Variants in RNF180 observed in about 807,000 individuals in gnomAD.
RNF180 encodes ring finger protein 180, also known as E3 ubiquitin-protein ligase RNF180.
RNF180 carries 38 observed loss-of-function variants against 59.2 expected under a neutral mutation model. The ratio of observed to expected loss-of-function variants is 0.64; its 90% confidence interval spans 0.50 to 0.84. The LOEUF is 0.84. Ranked by LOEUF, RNF180 falls within the 40% of genes least tolerant of loss-of-function variation. The probability of loss-of-function intolerance (pLI) is 0.00; values close to 1 mark genes in which losing one functional copy is unlikely to be tolerated. For missense variants in RNF180, 705 were observed against 700.9 expected (o/e 1.01, Z -0.07); for synonymous variants, 262 against 240.3 (o/e 1.09, Z -0.84).
At chr5:64,276,031 A>G (rs1204654338) in intron 5 of RNF180, among the ~76,000 whole-genome samples, 1 of 151,884 alleles carries the variant, frequency 6.6e-6, no homozygotes, top group Non-Finnish European at 1.5e-5. Context: ...GTTGCAGAGT[A>G]CCTTCCCAGA....
At chr5:64,366,631 A>G (rs1303653921) in intron 7 of RNF180, among the ~76,000 whole-genome samples, 2 of 151,582 alleles carry the variant, frequency 1.3e-5, no homozygotes, top group Non-Finnish European at 3.0e-5. Flanking sequence ...AGCAGAAGAA[A>G]AAATGTCAGA....
chr5:64,315,008 G>T (rs1050210384), intron 5 of RNF180, among the ~76,000 whole-genome samples: 2 of 152,130 alleles, frequency 1.3e-5, no homozygotes, highest in East Asian at 3.9e-4. Flanking sequence ...ATTAAAATCC[G>T]TGGGTCTGTC....
chr5:64,341,064 TTGG>T (rs761723401), intron 7 of RNF180, among the ~76,000 whole-genome samples: 10 of 152,176 alleles, frequency 6.6e-5, no homozygotes, highest in South Asian at 2.1e-4. Context: ...AAATTGGATG[TTGG>T]TGGGATATGA....
At position 64,186,376 on chromosome 5, in the gene RNF180, G is replaced by A. The variant is rs536157133; in HGVS notation, c.1-14432G>A. On this transcript the variant is annotated intron_variant, in intron 1 of 7. Transcript: ENST00000389100. ...ACATAAGGTAAATATGTTTTAGCCC[G>A]TATTTCCCCTTCTAAGAAGTCAGCC... is the stretch of plus-strand genomic sequence containing the variant. Among the ~76,000 whole-genome samples, 16 of 152,098 alleles carry A rather than the reference G, an allele frequency of 1.1e-4. No individual in the cohort carries two copies. In the South Asian group the frequency reaches 2.3e-3, roughly 22 times the overall value.
At chr5:64,243,177 T>C (rs537727157) in intron 5 of RNF180, among the ~76,000 whole-genome samples, 57 of 152,266 alleles carry the variant, frequency 3.7e-4, no homozygotes, top group Non-Finnish European at 6.9e-4. Flanking sequence ...GAGCAGACAT[T>C]GAGCTACCTG....
intron 5 of RNF180, among the ~76,000 whole-genome samples, chr5:64,237,486 G>A (rs1401443200): frequency 1.3e-5 from 2 of 152,156 alleles, no homozygotes; most frequent in East Asian, 1.9e-4. Flanking sequence ...ATAGGTGGGA[G>A]GGACTTGCCT....
At position 64,247,083 on chromosome 5, in the gene RNF180, C is replaced by T. The variant is rs548356111; in HGVS notation, c.1227+29687C>T. On this transcript the variant is annotated intron_variant, in intron 5 of 7. Coordinates refer to ENST00000389100, the MANE Select transcript of RNF180 (RefSeq NM_001113561.2). Reference sequence around the variant, plus strand: ...ACCACCACTTCATGCTAAAAACTCTCAATAAACTGAGTATTGATGGAACAT... The same window carrying T: ...ACCACCACTTCATGCTAAAAACTCTTAATAAACTGAGTATTGATGGAACAT... 2.0e-5 allele frequency among the ~76,000 whole-genome samples: 3 copies of T among 152,252 alleles called. No individual in the cohort carries two copies. The East Asian group carries it at 5.8e-4, about 29-fold the overall frequency.
chr5:64,294,781 T>C (rs1300693189), intron 5 of RNF180, among the ~76,000 whole-genome samples: 2 of 152,190 alleles, frequency 1.3e-5, no homozygotes, highest in African/African-American at 4.8e-5. Context: ...TGACTGTCTC[T>C]TTTTTTGCTG....
intron 1 of RNF180, among the ~76,000 whole-genome samples, chr5:64,173,290 T>TTTG (rs1175090579): frequency 6.6e-6 from 1 of 152,228 alleles, no homozygotes; most frequent in Non-Finnish European, 1.5e-5. Flanking sequence ...ATATACAATT[T>TTTG]TTGTTGTCAT....
chr5:64,333,311 G>T (rs1390029584), intron 7 of RNF180, among the ~76,000 whole-genome samples: 1 of 152,120 alleles, frequency 6.6e-6, no homozygotes, highest in East Asian at 1.9e-4. Context: ...CCAAGTAGCT[G>T]GGATTACAGG....
chr5:64,312,511 G>A (rs1415218689), intron 5 of RNF180, among the ~76,000 whole-genome samples: 3 of 152,028 alleles, frequency 2.0e-5, no homozygotes, highest in African/African-American at 7.3e-5. Flanking sequence ...AAACCACAGG[G>A]AAGTGGAGGG....
intron 7 of RNF180, among the ~76,000 whole-genome samples, chr5:64,365,707 A>G (rs1039650811): frequency 2.0e-5 from 3 of 151,558 alleles, no homozygotes; most frequent in African/African-American, 4.8e-5. Flanking sequence ...TTCTTATGGA[A>G]TTGAACTCTT....
chr5:64,313,420 G>C (rs532870073), intron 5 of RNF180, among the ~76,000 whole-genome samples: 2 of 152,074 alleles, frequency 1.3e-5, no homozygotes, highest in East Asian at 3.9e-4. Flanking sequence ...CTCATTTTCT[G>C]TTCTGTGTTA....
In RNF180 at chr5:64,349,538, A is replaced by G. The variant is rs538430337; in HGVS notation, c.1579+19132A>G. Among the ~76,000 whole-genome samples, 145 of 151,814 alleles carry G rather than the reference A, an allele frequency of 9.6e-4. 2 individuals are homozygous for G. The South Asian group carries it at 0.019, about 20-fold the overall frequency. On this transcript the variant is annotated intron_variant, in intron 7 of 7. Coordinates refer to ENST00000389100, the MANE Select transcript of RNF180 (RefSeq NM_001113561.2). Reference sequence around the variant, plus strand: ...GTTGGTGTGCTGCACCCATTAACTCATCATTTACATTAGGTATATCTCCTA... The same window carrying G: ...GTTGGTGTGCTGCACCCATTAACTCGTCATTTACATTAGGTATATCTCCTA...
Position 64,361,034 on chromosome 5 carries a change from A to G in RNF180, c.1580-8581A>G, listed in dbSNP as rs1746235625. 7.3e-5 allele frequency among the ~76,000 whole-genome samples: 11 copies of G among 151,532 alleles called. No individual in the cohort carries two copies. In the South Asian group the frequency reaches 2.3e-3, roughly 31 times the overall value. ...CAGTTTGCTGTGCAAATATCTTTCAAAAATAGTCCAGAACAAAGGCAGTTA... is the reference window on the plus strand; with the variant it reads ...CAGTTTGCTGTGCAAATATCTTTCAGAAATAGTCCAGAACAAAGGCAGTTA... On this transcript the variant is annotated intron_variant, in intron 7 of 7. Transcript: ENST00000389100.
At chr5:64,323,975 A>G (rs1030251000) in intron 5 of RNF180, among the ~76,000 whole-genome samples, 1 of 152,150 alleles carries the variant, frequency 6.6e-6, no homozygotes, top group African/African-American at 2.4e-5. Context: ...TGCAAAGGTA[A>G]TTGCAGTTTA....
chr5:64,344,097 C>A (rs1341139571), intron 7 of RNF180, among the ~76,000 whole-genome samples: 4 of 151,692 alleles, frequency 2.6e-5, no homozygotes, highest in African/African-American at 9.7e-5. Context: ...AGAAAAAAAT[C>A]TTAAAAACAT....
chr5:64,308,726 G>C (rs1195677749), intron 5 of RNF180, among the ~76,000 whole-genome samples: 1 of 151,648 alleles, frequency 6.6e-6, no homozygotes, highest in Non-Finnish European at 1.5e-5. Context: ...GTATTCTTCA[G>C]TTACCAGTAA....
chr5:64,283,476 T>C (rs1488812505), intron 5 of RNF180, among the ~76,000 whole-genome samples: 1 of 152,118 alleles, frequency 6.6e-6, no homozygotes, highest in South Asian at 2.1e-4. Flanking sequence ...TTTACTGATA[T>C]GGTTTGGCTC....
Sources: allele counts gnomAD v4.1 joint callset (sites outside exome capture counted in the v4.1 genomes callset), GRCh38; gene constraint gnomAD v4.1.1; transcripts MANE v1.5; gene names NCBI Gene and HGNC (gene_info 2026-07-23, HGNC 2026-07-21).